The following FAM184A variants were observed in gnomAD, a reference collection of about 807,000 sequenced individuals.
FAM184A encodes the protein family with sequence similarity 184 member A.
FAM184A carries 99 observed loss-of-function variants against 143.8 expected under a neutral mutation model. The ratio of observed to expected loss-of-function variants is 0.69; its 90% CI spans 0.58 to 0.81. The LOEUF is 0.81. Ranked by LOEUF, FAM184A falls within the 40% of genes least tolerant of loss-of-function variation. FAM184A has a pLI of 0.00. For missense variants in FAM184A, 1,217 were observed against 1,310.5 expected, an observed-to-expected ratio of 0.93 and a Z score of 1.10; for synonymous variants, 427 against 446.4, an observed-to-expected ratio of 0.96 and a Z score of 0.55.
chr6:119,100,175 T>C (rs1473399727), intron 1 of FAM184A, among the ~76,000 whole-genome samples: 2 of 152,108 alleles, frequency 1.3e-5, no homozygotes, highest in African/African-American at 4.8e-5. Flanking sequence ...AAACTGAGTT[T>C]ATTTTTTTTC....
chr6:119,085,647 G>A (rs55919736), intron 1 of FAM184A, among the ~76,000 whole-genome samples: 20,127 of 152,122 alleles, frequency 0.13, 1,824 homozygotes, highest in African/African-American at 0.24. Context: ...TTACAGCAAC[G>A]CCCCACTCTT....
chr6:119,024,204 A>G lies in FAM184A; in HGVS notation c.769T>C (p.Ser257Pro). ...DYEGKLNKAQ[S>P]FYERELDTLK... is the part of the protein sequence containing the mutation. ...GTATCAAGCTCACGTTCATAAAAGG[A>G]CTGAGCTTTATTCAACTTGCCTTCA... is the stretch of plus-strand genomic sequence containing the variant. The change falls in exon 2 of 18, where the codon TCC becomes CCC. Residue 257 changes from serine (S) to proline (P), a missense_variant. By Grantham distance (74) the Ser-to-Pro change is moderately conservative (BLOSUM62 -1). Coordinates refer to ENST00000338891, the MANE Select transcript of FAM184A (RefSeq NM_024581.6). 1 of 1,614,216 alleles carries G rather than the reference A, an allele frequency of 6.2e-7. No individual in the cohort carries two copies. Among genetic ancestry groups the G allele is most frequent in the Non-Finnish European group, 8.5e-7 (1 of 1,180,036 alleles).
chr6:119,133,589 A>G (rs948154920), intron 1 of FAM184A, among the ~76,000 whole-genome samples: 6 of 151,980 alleles, frequency 3.9e-5, no homozygotes, highest in African/African-American at 1.4e-4. Context: ...CCTCATGTTA[A>G]CCAGTTACCT....
chr6:118,970,008 A>ATATATATATATATATTTTTTTTTTT, intron 14 of FAM184A, among the ~76,000 whole-genome samples: 3 of 19,050 alleles, frequency 1.6e-4, no homozygotes, highest in African/African-American at 4.6e-4. Context: ...ATATATATAT[A>ATATATATATATATATTTTTTTTTTT]TTTTTTTTTT....
intron 1 of FAM184A, among the ~76,000 whole-genome samples, chr6:119,025,129 A>C (rs1785584119): frequency 6.6e-6 from 1 of 152,210 alleles, no homozygotes; most frequent in African/African-American, 2.4e-5. Context: ...CAATTGGCCT[A>C]AGAGAAAGGA....
intron 1 of FAM184A, among the ~76,000 whole-genome samples, chr6:119,071,033 T>C (rs1787667654): frequency 6.6e-6 from 1 of 152,236 alleles, no homozygotes; most frequent in Non-Finnish European, 1.5e-5. Context: ...ACCCAGGTTA[T>C]TCTTCATTCC....
At chr6:119,144,525 T>G (rs1322431491) in intron 1 of FAM184A, among the ~76,000 whole-genome samples, 2 of 152,108 alleles carry the variant, frequency 1.3e-5, no homozygotes, top group Non-Finnish European at 2.9e-5. Context: ...GCTGTTAGAG[T>G]CAGCGTGGCT....
rs550175290 is a variant in FAM184A, at chr6:118,987,049, T to C, written c.2089-6699A>G. 9.8e-5 allele frequency among the ~76,000 whole-genome samples: 15 copies of C among 152,360 alleles called. 1 individual carries two copies. Among genetic ancestry groups the C allele is most frequent in the African/African-American group, 3.1e-4 (13 of 41,602 alleles). ...TAGGTAAAATTTTTATTTTCTTGCA[T>C]AGTAGGAAAAACTTATGGGGTATGA... is the stretch of plus-strand genomic sequence containing the variant. On this transcript the variant is annotated intron_variant, in intron 9 of 17. Coordinates refer to ENST00000338891, the MANE Select transcript of FAM184A (RefSeq NM_024581.6).
intron 9 of FAM184A, among the ~76,000 whole-genome samples, chr6:118,987,918 T>G (rs1217445699): frequency 6.6e-6 from 1 of 152,210 alleles, no homozygotes; most frequent in African/African-American, 2.4e-5. Flanking sequence ...AATGAATGAC[T>G]GAAAGTTAGA....
intron 17 of FAM184A, 22 bp from the exon 18 acceptor site, chr6:118,960,206 C>T (rs2114523523): frequency 6.3e-7 from 1 of 1,599,854 alleles, no homozygotes; most frequent in South Asian, 1.1e-5. Flanking sequence ...AAAAGAGAGA[C>T]ATGTAACCCA....
chr6:119,042,152 G>A (rs573789599), intron 1 of FAM184A, among the ~76,000 whole-genome samples: 54 of 152,146 alleles, frequency 3.5e-4, no homozygotes, highest in Non-Finnish European at 7.2e-4. Flanking sequence ...GGTAAGACTG[G>A]TTAAGCCCAG....
chr6:119,057,363 T>C (rs1436890526), intron 1 of FAM184A, among the ~76,000 whole-genome samples: 2 of 152,210 alleles, frequency 1.3e-5, no homozygotes, highest in Admixed American at 6.5e-5. Context: ...CTTACTACCA[T>C]ATATCTAAGA....
intron 1 of FAM184A, among the ~76,000 whole-genome samples, chr6:119,035,002 T>G (rs1331965810): frequency 6.6e-6 from 1 of 152,154 alleles, no homozygotes; most frequent in Non-Finnish European, 1.5e-5. Flanking sequence ...ATAACAGCTG[T>G]CTCTGTGGAC....
At chr6:118,976,940 T>C (rs977808417) in intron 11 of FAM184A, among the ~76,000 whole-genome samples, 6 of 152,188 alleles carry the variant, frequency 3.9e-5, no homozygotes, top group African/African-American at 1.4e-4. Context: ...TATATGATGC[T>C]AGTAGGGATG....
intron 1 of FAM184A, among the ~76,000 whole-genome samples, chr6:119,077,696 G>A (rs1164122492): frequency 6.6e-6 from 1 of 152,192 alleles, no homozygotes; most frequent in Admixed American, 6.5e-5. Flanking sequence ...TCCTCTGAAA[G>A]TTGATTCTTC....
intron 9 of FAM184A, among the ~76,000 whole-genome samples, chr6:118,988,371 C>T (rs1056858218): frequency 5.9e-5 from 9 of 152,188 alleles, no homozygotes; most frequent in African/African-American, 2.2e-4. Context: ...ATACAAACTA[C>T]TAAAGGCTAG....
At chr6:119,086,654 T>A (rs574204746) in intron 1 of FAM184A, among the ~76,000 whole-genome samples, 1 of 152,306 alleles carries the variant, frequency 6.6e-6, no homozygotes, top group African/African-American at 2.4e-5. Flanking sequence ...GGTATCAAGA[T>A]TACTTATGGA....
chr6:119,009,569 C>T (rs1233020597), intron 6 of FAM184A: 1 of 153,132 alleles, frequency 6.5e-6, no homozygotes, highest in Admixed American at 6.5e-5. Flanking sequence ...TGTAAATTAA[C>T]CAGTCTTAGG....
chr6:118,964,525 C>A, intron 16 of FAM184A, 142 bp downstream of exon 16: 1 of 452,462 alleles, frequency 2.2e-6, no homozygotes, highest in East Asian at 3.2e-5. Flanking sequence ...ATAAATAATT[C>A]ATAAGTTTTA....
Sources: allele counts gnomAD v4.1 joint callset (sites outside exome capture counted in the v4.1 genomes callset), GRCh38; gene constraint gnomAD v4.1.1; transcripts MANE v1.5; gene names NCBI Gene and HGNC (gene_info 2026-07-23, HGNC 2026-07-21).